The following SHROOM3 variants were observed in gnomAD, a reference collection of about 807,000 sequenced individuals.
The protein encoded by SHROOM3 is shroom family member 3.
In SHROOM3, 47 loss-of-function variants were observed where a neutral mutation model predicts 138.6. The ratio of observed to expected loss-of-function variants is 0.34; its 90% CI spans 0.27 to 0.43. The LOEUF (loss-of-function observed/expected upper bound fraction) is 0.43. Among genes scored for constraint, SHROOM3 ranks in the 20% least tolerant of loss-of-function variants. The probability of loss-of-function intolerance (pLI) is 1.00; values close to 1 mark genes in which losing one functional copy is unlikely to be tolerated. For missense variants in SHROOM3, 2,491 were observed against 2,596.5 expected (o/e 0.96, Z 0.88); for synonymous variants, 1,062 against 1,063.3 (o/e 1.00, Z 0.02).
chr4:76,560,783 A>G (rs1215347147), intron 2 of SHROOM3, among the ~76,000 whole-genome samples: 1 of 152,206 alleles, frequency 6.6e-6, no homozygotes, highest in Non-Finnish European at 1.5e-5. Context: ...TACCTGAGAT[A>G]GCGGTGTCCA....
chr4:76,476,862 A>G (rs10032549), intron 1 of SHROOM3, among the ~76,000 whole-genome samples: 64,952 of 152,028 alleles, frequency 0.43, 14,985 homozygotes, highest in Non-Finnish European at 0.52. Context: ...AGGCTTGGCT[A>G]TGATTTCTCT....
chr4:76,459,392 A>AT (rs933224839), intron 1 of SHROOM3, among the ~76,000 whole-genome samples: 3 of 152,010 alleles, frequency 2.0e-5, no homozygotes, highest in Non-Finnish European at 4.4e-5. Context: ...AATAGTTGGG[A>AT]TTTTTTCCCC....
chr4:76,468,926 C>T (rs1415272484), intron 1 of SHROOM3, among the ~76,000 whole-genome samples: 3 of 151,440 alleles, frequency 2.0e-5, no homozygotes, highest in African/African-American at 7.3e-5. Context: ...CCCAGCTACT[C>T]GGGAGGCTGA....
At chr4:76,663,100 A>T (rs1214968853) in intron 2 of SHROOM3, among the ~76,000 whole-genome samples, 1 of 152,192 alleles carries the variant, frequency 6.6e-6, no homozygotes, top group African/African-American at 2.4e-5. Context: ...TGGTAATTTA[A>T]ATCACCATAA....
intron 2 of SHROOM3, among the ~76,000 whole-genome samples, chr4:76,614,024 C>T (rs1577919726): frequency 7.2e-6 from 1 of 138,668 alleles, no homozygotes; most frequent in South Asian, 2.6e-4. Context: ...GCCCCTTTTT[C>T]GTTTTTTGTT....
chr4:76,714,877 T>C (rs1720327417), intron 3 of SHROOM3, among the ~76,000 whole-genome samples: 1 of 152,236 alleles, frequency 6.6e-6, no homozygotes, highest in South Asian at 2.1e-4. Context: ...GTACTACTGT[T>C]ATTTATTTTG....
chr4:76,620,003 A>G (rs10017318), intron 2 of SHROOM3, among the ~76,000 whole-genome samples: 29,798 of 147,626 alleles, frequency 0.2, 3,759 homozygotes, highest in African/African-American at 0.35. Context: ...GGGGAGAGGC[A>G]GGAGTTGCAG....
intron 2 of SHROOM3, among the ~76,000 whole-genome samples, chr4:76,566,312 A>G (rs953067609): frequency 6.6e-6 from 1 of 152,106 alleles, no homozygotes; most frequent in Non-Finnish European, 1.5e-5. Context: ...TGCAAATATG[A>G]CATCATTTTA....
chr4:76,658,186 G>T (rs1384715695), intron 2 of SHROOM3, among the ~76,000 whole-genome samples: 1 of 152,234 alleles, frequency 6.6e-6, no homozygotes, highest in Non-Finnish European at 1.5e-5. Context: ...CTGTGAGGAT[G>T]TGAAGCTGAA....
chr4:76,608,666 C>CATTGG (rs1560563376), intron 2 of SHROOM3, among the ~76,000 whole-genome samples: 2 of 26,876 alleles, frequency 7.4e-5, no homozygotes, highest in African/African-American at 1.3e-4. Context: ...CATAGCATAG[C>CATTGG]ACAGCATAGC....
intron 2 of SHROOM3, among the ~76,000 whole-genome samples, chr4:76,600,459 G>A (rs542050063): frequency 1.8e-4 from 27 of 152,158 alleles, no homozygotes; most frequent in Non-Finnish European, 3.4e-4. Flanking sequence ...GCTTTCACAT[G>A]ATCAAGGTGT....
At chr4:76,680,483 C>T (rs896109854) in intron 2 of SHROOM3, among the ~76,000 whole-genome samples, 5 of 152,186 alleles carry the variant, frequency 3.3e-5, no homozygotes, top group African/African-American at 1.2e-4. Flanking sequence ...GGATTTTCTT[C>T]TCTGAAATTT....
intron 1 of SHROOM3, among the ~76,000 whole-genome samples, chr4:76,488,579 T>C (rs1214794373): frequency 6.6e-6 from 1 of 152,228 alleles, no homozygotes; most frequent in East Asian, 1.9e-4. Context: ...CCCCACCATT[T>C]CCAGCATCCT....
chr4:76,773,727 C>T (rs924455625), intron 10 of SHROOM3, among the ~76,000 whole-genome samples: 1 of 152,182 alleles, frequency 6.6e-6, no homozygotes, highest in Admixed American at 6.5e-5. Context: ...TTCGCACTCT[C>T]CAGTCTCTTT....
At chr4:76,554,058 A>G (rs921229480) in intron 1 of SHROOM3, among the ~76,000 whole-genome samples, 3 of 152,180 alleles carry the variant, frequency 2.0e-5, no homozygotes, top group Non-Finnish European at 4.4e-5. Flanking sequence ...CCACCACTAC[A>G]ATATCATATC....
chr4:76,494,688 C>T (rs989443708), intron 1 of SHROOM3, among the ~76,000 whole-genome samples: 10 of 152,182 alleles, frequency 6.6e-5, no homozygotes, highest in African/African-American at 2.2e-4. Flanking sequence ...TTGAAAGCAG[C>T]CACAAAACCT....
intron 1 of SHROOM3, among the ~76,000 whole-genome samples, chr4:76,486,688 G>A (rs190877551): frequency 1.3e-5 from 2 of 152,256 alleles, no homozygotes; most frequent in African/African-American, 4.8e-5. Context: ...ACTCCTGGGG[G>A]CATCATTCAC....
rs1721161027 is a variant in SHROOM3, at chr4:76,738,955, GCT to G, written c.785_786del (p.Ser262PhefsTer6). The G allele has an allele frequency of 4.3e-6, 7 of 1,614,210 alleles. No individual in the cohort carries two copies. The highest frequency in any genetic ancestry group is 5.9e-6 in the Non-Finnish European group (7 of 1,180,026). On this transcript the variant is annotated frameshift_variant, in exon 5 of 11. Coordinates refer to ENST00000296043, the MANE Select transcript of SHROOM3 (RefSeq NM_020859.4). LOFTEE classifies it high-confidence loss of function. ...CATAACAAGAGAGACTCGGCTTACA[GCT>G]CTTTCTCCACCAGTTCTAGCATCCT...
In SHROOM3 at chr4:76,637,519, C is replaced by G. The variant is rs542036914; in HGVS notation, c.324-72637C>G. Reference sequence around the variant, plus strand: ...ATTCATGCTCCTTTTCTCTTTTTTCCTGTGTGAAATTCAGTGTTTCCTTTA... The same window carrying G: ...ATTCATGCTCCTTTTCTCTTTTTTCGTGTGTGAAATTCAGTGTTTCCTTTA... On this transcript the variant is annotated intron_variant, in intron 2 of 10. Transcript: ENST00000296043. The G allele has an allele frequency of 1.1e-4, 17 of 152,210 alleles. No individual in the cohort carries two copies. In the South Asian group the frequency reaches 2.7e-3, roughly 24 times the overall value. The allele number at this position is 152,210 out of a possible 1,614,324, so 9.4% of individuals were successfully genotyped here.
Sources: gnomAD v4.1 joint callset for allele counts (sites outside exome capture counted in the v4.1 genomes callset) on GRCh38, gnomAD v4.1.1 for gene constraint, MANE v1.5 for transcripts, NCBI Gene and HGNC (gene_info 2026-07-23, HGNC 2026-07-21) for gene names.